Variants in PTGFR observed in about 807,000 individuals in gnomAD.
PTGFR encodes the protein prostaglandin F receptor.
In PTGFR, 15 loss-of-function variants were observed where a neutral mutation model predicts 26.2. The ratio of observed to expected loss-of-function variants is 0.57; its 90% CI spans 0.38 to 0.88. PTGFR has a LOEUF of 0.88. Among genes scored for constraint, PTGFR ranks in the 40% least tolerant of loss-of-function variants. The probability of loss-of-function intolerance (pLI) is 0.00; values close to 1 mark genes in which losing one functional copy is unlikely to be tolerated. For synonymous variants in PTGFR, 165 were observed against 151.1 expected (o/e 1.09, Z -0.68); for missense variants, 369 against 427.2 (o/e 0.86, Z 1.20).
At chr1:78,527,191 A>T (rs746127499) in intron 2 of PTGFR, among the ~76,000 whole-genome samples, 2 of 152,152 alleles carry the variant, frequency 1.3e-5, no homozygotes, top group Non-Finnish European at 2.9e-5. Flanking sequence ...AGCTCAACCT[A>T]ATGGCTGTAT....
intron 2 of PTGFR, among the ~76,000 whole-genome samples, chr1:78,515,117 G>C (rs1227177460): frequency 6.6e-6 from 1 of 152,048 alleles, no homozygotes; most frequent in Non-Finnish European, 1.5e-5. Flanking sequence ...GATTTGGAGA[G>C]GACAAACATC....
At chr1:78,497,307 T>C (rs1649577189) in intron 2 of PTGFR, among the ~76,000 whole-genome samples, 1 of 152,154 alleles carries the variant, frequency 6.6e-6, no homozygotes, top group African/African-American at 2.4e-5. Context: ...TACAGGAAAC[T>C]ACAACTGACG....
At chr1:78,520,393 G>T (rs1021348692) in intron 2 of PTGFR, among the ~76,000 whole-genome samples, 4 of 151,954 alleles carry the variant, frequency 2.6e-5, no homozygotes, top group Non-Finnish European at 4.4e-5. Flanking sequence ...ACAGAGAACG[G>T]GTTTGGCTTT....
intron 2 of PTGFR, among the ~76,000 whole-genome samples, chr1:78,534,199 T>G (rs1650590205): frequency 6.6e-6 from 1 of 152,156 alleles, no homozygotes; most frequent in South Asian, 2.1e-4. Flanking sequence ...AAAGACTGTG[T>G]GTATGATGAG....
intron 2 of PTGFR, among the ~76,000 whole-genome samples, chr1:78,514,843 TAA>T (rs1467565443): frequency 6.6e-6 from 1 of 152,080 alleles, no homozygotes; most frequent in Non-Finnish European, 1.5e-5. Context: ...TCCGGTTGTT[TAA>T]AGAGTCTGGG....
chr1:78,529,850 T>A (rs34443463), intron 2 of PTGFR, among the ~76,000 whole-genome samples: 35,821 of 152,004 alleles, frequency 0.24, 4,434 homozygotes, highest in South Asian at 0.35. Flanking sequence ...GTCAGATCAG[T>A]GGCGGCATTA....
chr1:78,500,334 G>C (rs1053759181), intron 2 of PTGFR, among the ~76,000 whole-genome samples: 3 of 152,316 alleles, frequency 2.0e-5, no homozygotes, highest in Non-Finnish European at 2.9e-5. Context: ...AAATCCGACA[G>C]ACCTTTTTAG....
At chr1:78,528,144 G>A (rs1650416466) in intron 2 of PTGFR, among the ~76,000 whole-genome samples, 1 of 151,840 alleles carries the variant, frequency 6.6e-6, no homozygotes, top group South Asian at 2.1e-4. Flanking sequence ...GAGTAAATAT[G>A]ATCAGAGATT....
intron 2 of PTGFR, among the ~76,000 whole-genome samples, chr1:78,518,258 A>G (rs1650139297): frequency 6.6e-6 from 1 of 152,174 alleles, no homozygotes; most frequent in South Asian, 2.1e-4. Flanking sequence ...TAATCTCAAT[A>G]TAACTTCTCT....
chr1:78,511,898 T>G lies in PTGFR; in HGVS notation c.798+18357T>G, dbSNP rs562378094. Among the ~76,000 whole-genome samples the G allele has an allele frequency of 6.2e-4, 94 of 152,184 alleles. 2 individuals are homozygous for G. The South Asian group carries it at 0.018, about 29-fold the overall frequency. On this transcript the variant is annotated intron_variant, in intron 2 of 2. Coordinates refer to ENST00000370757, the MANE Select transcript of PTGFR (RefSeq NM_000959.4). ...ACATCTTGAACACTTTGCCGCTTGC[T>G]TCTTCTGCCAGATATCCCAGGTCAT...
chr1:78,531,423 C>A (rs1487551158), intron 2 of PTGFR, among the ~76,000 whole-genome samples: 1 of 152,094 alleles, frequency 6.6e-6, no homozygotes, highest in African/African-American at 2.4e-5. Context: ...CCCCAGTGAT[C>A]TTCAATTGTG....
In PTGFR at chr1:78,503,712, G is replaced by A. The variant is rs79268512; in HGVS notation, c.798+10171G>A. ...CTACTTTTTCCACTTTTACTATGGG[G>A]TAAATATAGCTATTTGTATTTTTCT... On this transcript the variant is annotated intron_variant, in intron 2 of 2. Transcript: ENST00000370757. 8.8e-3 allele frequency among the ~76,000 whole-genome samples: 1,335 copies of A among 152,192 alleles called. 19 individuals are homozygous for A. Among genetic ancestry groups the A allele is most frequent in the African/African-American group, 0.029 (1,211 of 41,502 alleles).
rs12092381 is a variant in PTGFR at position 78,501,845 on chromosome 1, G to A, written c.798+8304G>A. Reference sequence around the variant, plus strand: ...GATTATAATAATCGTAAACTCAGATGTACTATCAGATTAAATAATTTAATT... The same window carrying A: ...GATTATAATAATCGTAAACTCAGATATACTATCAGATTAAATAATTTAATT... On this transcript the variant is annotated intron_variant, in intron 2 of 2. Transcript: ENST00000370757. Among the ~76,000 whole-genome samples the A allele has an allele frequency of 3.6e-3, 553 of 152,216 alleles. 2 individuals carry two copies. The highest frequency in any genetic ancestry group is 0.012 in the African/African-American group (505 of 41,536).
chr1:78,511,951 C>T (rs1409657044), intron 2 of PTGFR, among the ~76,000 whole-genome samples: 1 of 152,110 alleles, frequency 6.6e-6, no homozygotes, highest in Non-Finnish European at 1.5e-5. Context: ...TTCCACAGAT[C>T]CCTAGGACAT....
At chr1:78,532,926 C>T (rs1230223750) in intron 2 of PTGFR, among the ~76,000 whole-genome samples, 3 of 152,074 alleles carry the variant, frequency 2.0e-5, no homozygotes, top group Non-Finnish European at 4.4e-5. Flanking sequence ...GTACTATGAA[C>T]TCGGATCAAT....
rs1023554620 is a variant in PTGFR at position 78,538,513 on chromosome 1, A to G, written c.*1826A>G. 13 of 150,592 alleles carry G rather than the reference A, an allele frequency of 8.6e-5. No homozygotes were observed. Among genetic ancestry groups the G allele is most frequent in the African/African-American group, 3.2e-4 (13 of 40,710 alleles). 9.3% of individuals were successfully genotyped at this position (150,592 alleles called of 1,614,324 possible). A position where few individuals can be genotyped will look rare whatever the true frequency, so the allele number is the denominator to read the frequency against. On this transcript the variant is annotated 3_prime_UTR_variant, in exon 3 of 3. Transcript: ENST00000370757. ...TGGTCTTAAAAATGATGTTAACCCA[A>G]GAAGTAGACATCAAAAATTAAAAAA...
chr1:78,525,110 T>A (rs1157147073), intron 2 of PTGFR, among the ~76,000 whole-genome samples: 1 of 151,812 alleles, frequency 6.6e-6, no homozygotes, highest in Non-Finnish European at 1.5e-5. Context: ...TTGTAATACT[T>A]CCAGCCTTAC....
chr1:78,520,068 T>C (rs1276854042), intron 2 of PTGFR, among the ~76,000 whole-genome samples: 1 of 152,118 alleles, frequency 6.6e-6, no homozygotes, highest in African/African-American at 2.4e-5. Context: ...GTAACATGAA[T>C]GTGTTTAATA....
At chr1:78,492,179 C>T (rs1272944778) in intron 1 of PTGFR, among the ~76,000 whole-genome samples, 1 of 152,166 alleles carries the variant, frequency 6.6e-6, no homozygotes, top group Non-Finnish European at 1.5e-5. Flanking sequence ...TTGCTGGTCC[C>T]CTTCCAAAGT....
Sources: gnomAD v4.1 joint callset for allele counts (sites outside exome capture counted in the v4.1 genomes callset) on GRCh38, gnomAD v4.1.1 for gene constraint, MANE v1.5 for transcripts, NCBI Gene and HGNC (gene_info 2026-07-23, HGNC 2026-07-21) for gene names.